The following STAG1 variants were observed in gnomAD, a reference collection of about 807,000 sequenced individuals.
The protein encoded by STAG1 is cohesin subunit SA-1.
STAG1 carries 26 observed loss-of-function variants against 170.9 expected under a neutral mutation model. That is an observed-to-expected ratio of 0.15 (90% CI 0.11 to 0.21). STAG1 has a LOEUF of 0.21. Among genes scored for constraint, STAG1 ranks in the 10% least tolerant of loss-of-function variants. The probability of loss-of-function intolerance (pLI) is 1.00; values close to 1 mark genes in which losing one functional copy is unlikely to be tolerated. For missense variants in STAG1, 964 were observed against 1,509.5 expected (o/e 0.64, Z 5.99); for synonymous variants, 514 against 497.7 (o/e 1.03, Z -0.44).
intron 5 of STAG1, among the ~76,000 whole-genome samples, chr3:136,553,477 G>A (rs1018851780): frequency 2.0e-5 from 3 of 152,066 alleles, no homozygotes; most frequent in Non-Finnish European, 4.4e-5. Context: ...GAAATAAAGA[G>A]CAAAAATTAA....
intron 1 of STAG1, among the ~76,000 whole-genome samples, chr3:136,733,150 T>A (rs1001132422): frequency 6.7e-6 from 1 of 149,654 alleles, no homozygotes; most frequent in African/African-American, 2.5e-5. Context: ...AGCGGCATCA[T>A]CTTAGGTCAC....
chr3:136,578,695 T>C (rs1331964797), intron 4 of STAG1, among the ~76,000 whole-genome samples: 2 of 152,190 alleles, frequency 1.3e-5, no homozygotes, highest in African/African-American at 4.8e-5. Flanking sequence ...TTCCTGGGGA[T>C]TCAAAATGCC....
chr3:136,477,407 G>A lies in STAG1; in HGVS notation c.908C>T (p.Ala303Val), dbSNP rs1008356658. Residue 303 changes from alanine to valine, a missense_variant, in exon 10 of 34, where the codon GCT (alanine) becomes GTT (valine). Ala to Val is a moderately conservative substitution (Grantham distance 64, BLOSUM62 0). This residue lies in a region of STAG1 where 57 missense variants were observed against 157.6 expected (regional missense o/e 0.36). Coordinates refer to ENST00000383202, the MANE Select transcript of STAG1 (RefSeq NM_005862.3). ...KGIFVHRYRD[A>V]IAEIRAICIE... ...ACAAATGGCTCTAATCTCAGCAATAGCATCACTAGAGAGAGAAAAAAAAGA... is the reference window on the plus strand; with the variant it reads ...ACAAATGGCTCTAATCTCAGCAATAACATCACTAGAGAGAGAAAAAAAAGA... The A allele has an allele frequency of 6.2e-7, 1 of 1,608,336 alleles. No homozygotes were observed. The highest frequency in any genetic ancestry group is 1.3e-5 in the African/African-American group (1 of 74,722).
At chr3:136,642,076 CT>C (rs1205818329) in intron 1 of STAG1, among the ~76,000 whole-genome samples, 2 of 152,098 alleles carry the variant, frequency 1.3e-5, no homozygotes, top group Admixed American at 6.6e-5. Flanking sequence ...TAGTAATACA[CT>C]TACAAAAGCT....
At chr3:136,611,843 G>A (rs1939300198) in intron 3 of STAG1, among the ~76,000 whole-genome samples, 1 of 150,960 alleles carries the variant, frequency 6.6e-6, no homozygotes. Context: ...ATAAGGTTAT[G>A]TGTGGAATTT....
chr3:136,657,389 G>C (rs1941423523), intron 1 of STAG1, among the ~76,000 whole-genome samples: 1 of 151,792 alleles, frequency 6.6e-6, no homozygotes. Flanking sequence ...AGTAGAGACA[G>C]GGTTTCACCA....
In STAG1 at chr3:136,422,467, C is replaced by G. The variant is rs1233200543; in HGVS notation, c.1980G>C (p.Gln660His). 6.2e-7 allele frequency: 1 copy of G among 1,614,070 alleles called. No homozygotes were observed. The highest frequency in any genetic ancestry group is 1.1e-5 in the South Asian group (1 of 91,084). ...IQNRVDIARS[Q>H]LIDEFVDRFN... ...ATCGATCTACAAACTCATCAATCAG[C>G]TGGCTTCGAGCTATGTCAACTCTGT... The change falls in exon 19 of 34, where the codon CAG (glutamine) becomes CAC (histidine). Residue 660 changes from glutamine (Q) to histidine (H), a missense_variant. By Grantham distance (24) the Gln-to-His change is conservative. Around this residue, in one of 11 missense-constraint regions of STAG1, gnomAD observed 232 missense variants for 313.0 expected, o/e 0.74. Coordinates refer to ENST00000383202, the MANE Select transcript of STAG1 (RefSeq NM_005862.3).
chr3:136,531,720 T>A (rs1354185902), intron 6 of STAG1, among the ~76,000 whole-genome samples: 2 of 124,404 alleles, frequency 1.6e-5, no homozygotes, highest in African/African-American at 3.1e-5. Flanking sequence ...TGAGATCACA[T>A]GGACACAGGA....
intron 7 of STAG1, 49 bp downstream of exon 7, chr3:136,521,164 C>T: frequency 7.0e-7 from 1 of 1,437,166 alleles, no homozygotes. Flanking sequence ...CAGAATAAAA[C>T]ATAGTCAACA....
chr3:136,604,536 C>T, intron 3 of STAG1, 63 bp from the exon 4 acceptor site: 1 of 1,396,798 alleles, frequency 7.2e-7, no homozygotes, highest in East Asian at 2.4e-5. Context: ...ATAAAATGAT[C>T]ACTACTATAG....
At chr3:136,396,550 G>C in intron 22 of STAG1, among the ~76,000 whole-genome samples, 1 of 39,210 alleles carries the variant, frequency 2.6e-5, no homozygotes, top group Non-Finnish European at 4.8e-5. Context: ...TTTTTTTGGA[G>C]ACAGTCTCGC....
chr3:136,615,424 C>CCA (rs1427991857), intron 3 of STAG1, among the ~76,000 whole-genome samples: 1 of 33,252 alleles, frequency 3.0e-5, no homozygotes, highest in Non-Finnish European at 5.5e-5. Flanking sequence ...AGACTTTGTC[C>CCA]AAAAAAAAAA....
chr3:136,336,505 G>GC lies in STAG1; in HGVS notation c.*1748dup, dbSNP rs1228268154. 1 of 152,254 alleles carries GC rather than the reference G, an allele frequency of 6.6e-6. No individual in the cohort carries two copies. Among genetic ancestry groups the GC allele is most frequent in the Non-Finnish European group, 1.5e-5 (1 of 68,070 alleles). 9.4% of individuals were successfully genotyped at this position (152,254 alleles called of 1,614,324 possible). ...ACTGTCACGCAAAGGATCAATTTGT[G>GC]CATGTGCCAGGGCACCTCATGGCTT... On this transcript the variant is annotated 3_prime_UTR_variant, in exon 34 of 34. Coordinates refer to ENST00000383202, the MANE Select transcript of STAG1 (RefSeq NM_005862.3).
At chr3:136,477,040 T>G (rs1201392330) in intron 10 of STAG1, among the ~76,000 whole-genome samples, 1 of 152,166 alleles carries the variant, frequency 6.6e-6, no homozygotes, top group Non-Finnish European at 1.5e-5. Context: ...CTCTGAAAAC[T>G]TTATATATAC....
chr3:136,513,223 C>T (rs1042613703), intron 7 of STAG1, among the ~76,000 whole-genome samples: 4 of 151,958 alleles, frequency 2.6e-5, no homozygotes, highest in African/African-American at 9.7e-5. Context: ...GGCATGGTGG[C>T]ACATGCCTGT....
chr3:136,711,466 CAGG>C lies in STAG1; in HGVS notation c.-84+40726_-84+40728del, dbSNP rs148487319. Among the ~76,000 whole-genome samples, 1,167 of 151,810 alleles carry C rather than the reference CAGG, an allele frequency of 7.7e-3. 19 individuals carry two copies. The highest frequency in any genetic ancestry group is 0.027 in the African/African-American group (1,135 of 41,380). ...GTCCCAGCTACTCGGGAGGCTGAGA[CAGG>C]AGGATCGTATAAGCCCAGGAGGTCA... On this transcript the variant is annotated intron_variant, in intron 1 of 33. Coordinates refer to ENST00000383202, the MANE Select transcript of STAG1 (RefSeq NM_005862.3).
At chr3:136,504,505 T>A (rs1174911151) in intron 7 of STAG1, among the ~76,000 whole-genome samples, 1 of 152,212 alleles carries the variant, frequency 6.6e-6, no homozygotes, top group Non-Finnish European at 1.5e-5. Context: ...TATATTGGAC[T>A]ACACTATGAA....
rs1559809444 is a variant in STAG1 at position 136,452,086 on chromosome 3, T to A, written c.1375A>T (p.Ser459Cys). Residue 459 changes from serine to cysteine, a missense_variant, in exon 14 of 34, where the codon AGC (serine) becomes TGC (cysteine). Around this residue, in one of 11 missense-constraint regions of STAG1, gnomAD observed 162 missense variants for 211.2 expected, o/e 0.77. Transcript: ENST00000383202. ...EALAKRRGRN[S>C]PNGNLIRMLV... ...ATCCTAATGAGGTTTCCATTCGGGCTGTTTCTTCCCCTCCTCTTTGCTAAT... is the reference window on the plus strand; with the variant it reads ...ATCCTAATGAGGTTTCCATTCGGGCAGTTTCTTCCCCTCCTCTTTGCTAAT... The A allele has an allele frequency of 6.2e-7, 1 of 1,613,700 alleles. No individual in the cohort carries two copies. Among genetic ancestry groups the A allele is most frequent in the East Asian group, 2.2e-5 (1 of 44,824 alleles).
intron 1 of STAG1, among the ~76,000 whole-genome samples, chr3:136,738,605 C>G (rs749143801): frequency 6.6e-6 from 1 of 152,004 alleles, no homozygotes; most frequent in African/African-American, 2.4e-5. Flanking sequence ...GAGCCGAGAT[C>G]GATCGTACCA....
Sources: allele counts gnomAD v4.1 joint callset (sites outside exome capture counted in the v4.1 genomes callset), GRCh38; gene constraint gnomAD v4.1.1; regional missense constraint gnomAD v4.1.1; transcripts MANE v1.5; gene names NCBI Gene and HGNC (gene_info 2026-07-23, HGNC 2026-07-21).